Variants in BCAR3 observed in about 807,000 individuals in gnomAD.
BCAR3 encodes BCAR3 adaptor protein, NSP family member, also known as breast cancer anti-estrogen resistance protein 3.
A neutral mutation model predicts 80.1 loss-of-function variants in BCAR3; 37 were observed. The ratio of observed to expected loss-of-function variants is 0.46; its 90% CI spans 0.36 to 0.61. BCAR3 has a LOEUF of 0.61. BCAR3 is among the 20% of genes least tolerant of loss of function. The pLI is 0.00. For synonymous variants in BCAR3, 389 were observed against 418.9 expected, an observed-to-expected ratio of 0.93 and a Z score of 0.87; for missense variants, 978 against 1,068.2, an observed-to-expected ratio of 0.92 and a Z score of 1.18.
Position 93,603,818 on chromosome 1 carries a change from C to A in BCAR3, c.358-11425G>T, listed in dbSNP as rs374114534. Among the ~76,000 whole-genome samples the A allele has an allele frequency of 2.0e-4, 31 of 152,276 alleles. No individual in the cohort carries two copies. The South Asian group carries it at 6.0e-3, about 30-fold the overall frequency. On this transcript the variant is annotated intron_variant, in intron 3 of 11. Transcript: ENST00000260502. ...CTCCATGCCCTGCAGCAGTCACAGC[C>A]TTTTTGAGGAGACAAAGCATTTGAA...
chr1:93,799,784 C>T (rs1305791364), intron 2 of BCAR3, among the ~76,000 whole-genome samples: 1 of 152,152 alleles, frequency 6.6e-6, no homozygotes, highest in Non-Finnish European at 1.5e-5. Context: ...AGTTGGGCTT[C>T]CAGTATAACC....
chr1:93,781,890 T>A (rs1457535378), intron 2 of BCAR3, among the ~76,000 whole-genome samples: 1 of 152,200 alleles, frequency 6.6e-6, no homozygotes, highest in Non-Finnish European at 1.5e-5. Context: ...TCTTCAACTT[T>A]ATCTAGGTCC....
intron 2 of BCAR3, among the ~76,000 whole-genome samples, chr1:93,712,938 C>T (rs1398824693): frequency 6.6e-6 from 1 of 152,164 alleles, no homozygotes; most frequent in Non-Finnish European, 1.5e-5. Context: ...TATGGCTGGT[C>T]TAGATGTTAT....
chr1:93,573,448 T>G (rs1673305151), intron 8 of BCAR3, among the ~76,000 whole-genome samples: 1 of 151,890 alleles, frequency 6.6e-6, no homozygotes, highest in South Asian at 2.1e-4. Flanking sequence ...ACCTAATAAA[T>G]AGCAGTTGTT....
In BCAR3 at chr1:93,711,017, T is replaced by C. The variant is rs536204569; in HGVS notation, c.-62-4875A>G. 1.1e-4 allele frequency among the ~76,000 whole-genome samples: 16 copies of C among 151,338 alleles called. No homozygotes were observed. In the East Asian group the frequency reaches 2.7e-3, roughly 26 times the overall value. On this transcript the variant is annotated intron_variant, in intron 2 of 13. Coordinates refer to the BCAR3 transcript ENST00000370244. ...GTGGAGATCTCAGTTCCTTACCATA[T>C]GACCCCTCCATGGGCTGACTGGGTG...
chr1:93,569,298 C>T (rs948144532), intron 9 of BCAR3, among the ~76,000 whole-genome samples: 3 of 152,208 alleles, frequency 2.0e-5, no homozygotes, highest in African/African-American at 7.2e-5. Context: ...CCCAAGGCTT[C>T]CCAGCTGGTA....
chr1:93,738,293 G>A (rs1651053535), intron 2 of BCAR3, among the ~76,000 whole-genome samples: 1 of 152,166 alleles, frequency 6.6e-6, no homozygotes, highest in Admixed American at 6.5e-5. Flanking sequence ...CAAGAAATGT[G>A]GACATTCCTG....
In BCAR3 at chr1:93,582,973, G is replaced by A. The variant is rs372380948; in HGVS notation, c.1034-20C>T. The A allele has an allele frequency of 1.1e-5, 17 of 1,563,464 alleles. No individual in the cohort carries two copies. Among genetic ancestry groups the A allele is most frequent in the African/African-American group, 1.4e-5 (1 of 73,980 alleles). ...TGCAGCCTGTGGGGGATAAGAAAAG[G>A]TCAGAGAAAGCTCATCTGTGTGGAG... On this transcript the variant is annotated intron_variant, in intron 6 of 11. Coordinates refer to ENST00000260502, the MANE Select transcript of BCAR3 (RefSeq NM_003567.4).
chr1:93,731,646 GTAAAA>G (rs3068528), intron 2 of BCAR3, among the ~76,000 whole-genome samples: 25,348 of 147,126 alleles, frequency 0.17, 2,243 homozygotes, highest in South Asian at 0.27. Context: ...AGATGTTAAA[GTAAAA>G]TAAAATAAAA....
intron 2 of BCAR3, among the ~76,000 whole-genome samples, chr1:93,734,679 A>G (rs895148130): frequency 3.3e-5 from 5 of 152,176 alleles, no homozygotes; most frequent in Admixed American, 2.6e-4. Flanking sequence ...CGGCAAAGCT[A>G]TCTGTAGTTC....
chr1:93,830,917 A>G (rs1004397701), intron 2 of BCAR3, among the ~76,000 whole-genome samples: 1 of 152,076 alleles, frequency 6.6e-6, no homozygotes, highest in African/African-American at 2.4e-5. Context: ...TCTCTTCTCC[A>G]GCCTCTCTTG....
At position 93,841,761 on chromosome 1, in the gene BCAR3, T is replaced by C. The variant is rs1352017562; in HGVS notation, c.-63+3806A>G. Among the ~76,000 whole-genome samples the C allele has an allele frequency of 3.3e-5, 5 of 152,348 alleles. No homozygotes were observed. The East Asian group carries it at 9.6e-4, about 29-fold the overall frequency. ...GTTTCTTGTCCTCTTCTGAACAGGC[T>C]GATGGCACAGAACCATGCCTGACTT... is the stretch of plus-strand genomic sequence containing the variant. On this transcript the variant is annotated intron_variant, in intron 2 of 13. Coordinates refer to the BCAR3 transcript ENST00000370244.
intron 2 of BCAR3, among the ~76,000 whole-genome samples, chr1:93,650,619 A>AGG (rs1209223884): frequency 6.6e-6 from 1 of 152,172 alleles, no homozygotes; most frequent in African/African-American, 2.4e-5. Context: ...GACAGAGCAA[A>AGG]GGTGAAATTT....
intron 2 of BCAR3, among the ~76,000 whole-genome samples, chr1:93,754,964 AG>A (rs1651695409): frequency 6.6e-6 from 1 of 152,204 alleles, no homozygotes; most frequent in East Asian, 1.9e-4. Flanking sequence ...AAGACCTTCC[AG>A]TGGGACAAGA....
intron 2 of BCAR3, among the ~76,000 whole-genome samples, chr1:93,768,661 G>A (rs867003025): frequency 3.3e-5 from 5 of 152,198 alleles, no homozygotes; most frequent in Non-Finnish European, 7.3e-5. Context: ...AGACAGCAGC[G>A]ATGAGAGATT....
intron 3 of BCAR3, among the ~76,000 whole-genome samples, chr1:93,687,614 A>T (rs1355601735): frequency 1.3e-5 from 2 of 152,174 alleles, no homozygotes; most frequent in Non-Finnish European, 2.9e-5. Flanking sequence ...GCCACACTTA[A>T]ATTTTTAAAT....
At chr1:93,658,896 G>C (rs1346109494) in intron 2 of BCAR3, among the ~76,000 whole-genome samples, 1 of 152,154 alleles carries the variant, frequency 6.6e-6, no homozygotes, top group Non-Finnish European at 1.5e-5. Context: ...CAGAAGCAGT[G>C]GGGCCCATGA....
At chr1:93,758,536 T>C (rs182583429) in intron 2 of BCAR3, among the ~76,000 whole-genome samples, 1 of 152,334 alleles carries the variant, frequency 6.6e-6, no homozygotes, top group East Asian at 1.9e-4. Context: ...ATGGTCTAAA[T>C]CTATGACACT....
chr1:93,649,872 C>G (rs1470001318), intron 2 of BCAR3, among the ~76,000 whole-genome samples: 17 of 150,772 alleles, frequency 1.1e-4, no homozygotes. Flanking sequence ...ACTCAACAGC[C>G]AGCACTCTAC....
Sources: allele counts gnomAD v4.1 joint callset (sites outside exome capture counted in the v4.1 genomes callset), GRCh38; gene constraint gnomAD v4.1.1; transcripts MANE v1.5; gene names NCBI Gene and HGNC (gene_info 2026-07-23, HGNC 2026-07-21).